The following FYTTD1 variants were observed in gnomAD, a reference collection of about 807,000 sequenced individuals.
The protein encoded by FYTTD1 is UAP56-interacting factor.
FYTTD1 carries 22 observed loss-of-function variants against 40.9 expected under a neutral mutation model. That is an observed-to-expected ratio of 0.54 (90% confidence interval 0.38 to 0.77). FYTTD1 has a LOEUF of 0.77. Among genes scored for constraint, FYTTD1 ranks in the 30% least tolerant of loss-of-function variants. The pLI, the probability that FYTTD1 is intolerant of heterozygous loss-of-function variation, is 0.00. For missense variants in FYTTD1, 351 were observed against 392.2 expected, an observed-to-expected ratio of 0.90 and a Z score of 0.89; for synonymous variants, 140 against 137.9, an observed-to-expected ratio of 1.01 and a Z score of -0.10.
chr3:197,781,882 G>C lies in FYTTD1; in HGVS notation c.930G>C (p.Gly310=). ...GAGCCACTCTCACATACAACAAAGG[G>C]GGAAGCCGCTTTGTCACCGTGGGAT... ...EQRATLTYNK[G]GSRFVTVG Residue 310 remains glycine (G), a synonymous_variant, in exon 9 of 9, where the codon GGG becomes GGC. Coordinates refer to ENST00000241502, the MANE Select transcript of FYTTD1 (RefSeq NM_032288.7). 6.2e-7 allele frequency: 1 copy of C among 1,607,826 alleles called. No homozygotes were observed. The highest frequency in any genetic ancestry group is 8.5e-7 in the Non-Finnish European group (1 of 1,176,046).
chr3:197,778,489 C>A (rs1560501205), intron 8 of FYTTD1, 25 bp downstream of exon 8: 4 of 1,541,392 alleles, frequency 2.6e-6, no homozygotes, highest in Non-Finnish European at 3.6e-6. Flanking sequence ...TCTGTATTTT[C>A]TTGGGTCATT....
chr3:197,751,649 C>T (rs995630117), intron 1 of FYTTD1, among the ~76,000 whole-genome samples: 9 of 150,852 alleles, frequency 6.0e-5, no homozygotes, highest in Admixed American at 5.3e-4. Context: ...TCTCCCCCCC[C>T]GCAAAAAAGA....
chr3:197,772,421 C>G (rs1560498788), intron 4 of FYTTD1, among the ~76,000 whole-genome samples: 1 of 152,130 alleles, frequency 6.6e-6, no homozygotes, highest in Non-Finnish European at 1.5e-5. Context: ...TCGTACTTCA[C>G]TAACTTCCTA....
chr3:197,778,539 T>G, intron 8 of FYTTD1, 75 bp downstream of exon 8: 7 of 1,051,710 alleles, frequency 6.7e-6, no homozygotes, highest in Non-Finnish European at 8.3e-6. Context: ...ATTATAATAG[T>G]GAATTATAAA....
In FYTTD1 at chr3:197,774,274, T is replaced by C. The variant is rs1729806703; in HGVS notation, c.656+64T>C. ...CTCCCAGAATACTAACTACCCAAAT[T>C]ATCATGTACCTCAGTCCAGAAGAAA... On this transcript the variant is annotated intron_variant, in intron 6 of 8. Coordinates refer to ENST00000241502, the MANE Select transcript of FYTTD1 (RefSeq NM_032288.7). 4 of 1,278,334 alleles carry C rather than the reference T, an allele frequency of 3.1e-6. No individual in the cohort carries two copies. In the Admixed American group the frequency reaches 6.8e-5, roughly 22 times the overall value. 79.2% of individuals were successfully genotyped at this position (1,278,334 alleles called of 1,614,324 possible). A position where few individuals can be genotyped will look rare whatever the true frequency, so the allele number is the denominator to read the frequency against.
chr3:197,778,281 AATTT>A (rs1354126590), intron 7 of FYTTD1, 53 bp from the exon 8 acceptor site: 2 of 1,377,230 alleles, frequency 1.5e-6, no homozygotes, highest in Non-Finnish European at 2.0e-6. Flanking sequence ...GTACCAAGTG[AATTT>A]ATTTTTCTTT....
At chr3:197,753,435 T>TA (rs970650642) in intron 1 of FYTTD1, among the ~76,000 whole-genome samples, 6 of 152,196 alleles carry the variant, frequency 3.9e-5, no homozygotes, top group African/African-American at 1.4e-4. Context: ...CTGTAGTACT[T>TA]ACCACCACCA....
chr3:197,770,207 G>A lies in FYTTD1; in HGVS notation c.460G>A (p.Val154Ile). 6.2e-7 allele frequency: 1 copy of A among 1,612,702 alleles called. No homozygotes were observed. The highest frequency in any genetic ancestry group is 1.3e-5 in the African/African-American group (1 of 75,020). The change falls in exon 4 of 9, where the codon GTA becomes ATA. Residue 154 changes from valine to isoleucine, a missense_variant. Val to Ile is a conservative substitution (Grantham distance 29, BLOSUM62 3). Coordinates refer to ENST00000241502, the MANE Select transcript of FYTTD1 (RefSeq NM_032288.7). ...ACAAAATGAAGGGCAGAGGAAACCA[G>A]TAGCAGTTCTCAAGAGACCTAGCCA... ...LRQNEGQRKP[V>I]AVLKRPSQLS...
Sources: allele counts gnomAD v4.1 joint callset (sites outside exome capture counted in the v4.1 genomes callset), GRCh38; gene constraint gnomAD v4.1.1; transcripts MANE v1.5; gene names NCBI Gene and HGNC (gene_info 2026-07-23, HGNC 2026-07-21).